The following SNCAIP variants were observed in gnomAD, a reference collection of about 807,000 sequenced individuals.
The protein encoded by SNCAIP is synphilin-1.
In SNCAIP, 43 loss-of-function variants were observed where a neutral mutation model predicts 86.7. The observed-to-expected ratio is 0.50, with a 90% CI of 0.39 to 0.64. SNCAIP has a LOEUF of 0.64. Ranked by LOEUF, SNCAIP falls within the 30% of genes least tolerant of loss-of-function variation. The probability of loss-of-function intolerance (pLI) is 0.00; values close to 1 mark genes in which losing one functional copy is unlikely to be tolerated. For synonymous variants in SNCAIP, 417 were observed against 427.2 expected, an observed-to-expected ratio of 0.98 and a Z score of 0.29; for missense variants, 981 against 1,103.1, an observed-to-expected ratio of 0.89 and a Z score of 1.57.
chr5:122,355,184 A>C (rs1387199854), intron 1 of SNCAIP, among the ~76,000 whole-genome samples: 1 of 152,204 alleles, frequency 6.6e-6, no homozygotes, highest in African/African-American at 2.4e-5. Flanking sequence ...CACATAACAA[A>C]TTCAACTTAG....
chr5:122,421,142 C>T (rs1581142344), intron 3 of SNCAIP, among the ~76,000 whole-genome samples: 1 of 152,226 alleles, frequency 6.6e-6, no homozygotes, highest in Non-Finnish European at 1.5e-5. Flanking sequence ...CCTTCCTTCC[C>T]TTCTGGAACA....
At chr5:122,319,679 A>G (rs1190281995) in intron 1 of SNCAIP, among the ~76,000 whole-genome samples, 1 of 152,166 alleles carries the variant, frequency 6.6e-6, no homozygotes. Flanking sequence ...GACTCCTTGG[A>G]CTCCAGGTTA....
At position 122,462,737 on chromosome 5, in the gene SNCAIP, G is replaced by A. The variant is rs377711410; in HGVS notation, c.2755-754G>A. On this transcript the variant is annotated intron_variant, in intron 10 of 10. Coordinates refer to ENST00000261368, the MANE Select transcript of SNCAIP (RefSeq NM_005460.4). ...TAATAGCTAGTATCATTACCAGAAA[G>A]TGTTTTTGTCTGGTGTAGCAACAAG... Among the ~76,000 whole-genome samples the A allele has an allele frequency of 2.4e-4, 36 of 152,254 alleles. No individual in the cohort carries two copies. The East Asian group carries it at 5.2e-3, about 22-fold the overall frequency.
chr5:122,394,071 C>T (rs568619397), intron 2 of SNCAIP, among the ~76,000 whole-genome samples: 1 of 151,550 alleles, frequency 6.6e-6, no homozygotes, highest in African/African-American at 2.4e-5. Flanking sequence ...TGTAGTTTCC[C>T]ATGAACATGC....
upstream of SNCAIP, chr5:122,311,972 GC>G (rs1750652175): frequency 6.7e-6 from 1 of 148,538 alleles, no homozygotes; most frequent in Non-Finnish European, 1.5e-5. Context: ...GGGCGCGGCG[GC>G]CCCGGCAGCC....
intron 1 of SNCAIP, among the ~76,000 whole-genome samples, chr5:122,327,997 G>A (rs535213800): frequency 3.3e-5 from 5 of 152,250 alleles, no homozygotes; most frequent in Admixed American, 6.5e-5. Context: ...TATTCACTAG[G>A]CAGAAAATTT....
At chr5:122,326,639 T>C (rs915456526) in intron 1 of SNCAIP, among the ~76,000 whole-genome samples, 4 of 107,836 alleles carry the variant, frequency 3.7e-5, no homozygotes, top group Non-Finnish European at 7.1e-5. Flanking sequence ...TTTTTTTTTT[T>C]ACAATTAAGT....
intron 1 of SNCAIP, among the ~76,000 whole-genome samples, chr5:122,360,163 T>C (rs776128089): frequency 6.6e-5 from 10 of 152,238 alleles, no homozygotes; most frequent in Non-Finnish European, 1.2e-4. Flanking sequence ...GAATTGCTTT[T>C]GGCTCATTGT....
At chr5:122,383,810 A>T (rs1767510009) in intron 1 of SNCAIP, among the ~76,000 whole-genome samples, 1 of 152,228 alleles carries the variant, frequency 6.6e-6, no homozygotes, top group African/African-American at 2.4e-5. Flanking sequence ...CAAGTTTTCT[A>T]AAACAGTGCC....
intron 1 of SNCAIP, among the ~76,000 whole-genome samples, chr5:122,351,562 A>AAAAAAAAAAAAAAAAAAC (rs1759835072): frequency 6.8e-6 from 1 of 148,148 alleles, no homozygotes; most frequent in Non-Finnish European, 1.5e-5. Context: ...AAAAAAAAAA[A>AAAAAAAAAAAAAAAAAAC]AAAAGAACTA....
chr5:122,356,071 A>G (rs1311873242), intron 1 of SNCAIP, among the ~76,000 whole-genome samples: 2 of 149,662 alleles, frequency 1.3e-5, no homozygotes, highest in Non-Finnish European at 3.0e-5. Flanking sequence ...TGACAATAAT[A>G]TAATGTTGCA....
At chr5:122,407,265 C>T (rs77083581) in intron 3 of SNCAIP, among the ~76,000 whole-genome samples, 20 of 152,116 alleles carry the variant, frequency 1.3e-4, no homozygotes, top group Admixed American at 5.2e-4. Flanking sequence ...GCTCCAGCCA[C>T]GAGAAAACCA....
chr5:122,340,613 G>A (rs1443516859), intron 1 of SNCAIP, among the ~76,000 whole-genome samples: 1 of 152,152 alleles, frequency 6.6e-6, no homozygotes, highest in Non-Finnish European at 1.5e-5. Flanking sequence ...AATATTTACA[G>A]CAGCCATGAA....
At chr5:122,385,757 A>G (rs1415777352) in intron 1 of SNCAIP, among the ~76,000 whole-genome samples, 1 of 151,932 alleles carries the variant, frequency 6.6e-6, no homozygotes, top group Non-Finnish European at 1.5e-5. Context: ...CTGGTATATT[A>G]AAAGGTAAAG....
At chr5:122,437,712 T>A (rs577467272) in intron 6 of SNCAIP, among the ~76,000 whole-genome samples, 36 of 152,356 alleles carry the variant, frequency 2.4e-4, no homozygotes, top group African/African-American at 8.2e-4. Context: ...GAGTTATCCA[T>A]GCCTTCCTAA....
At chr5:122,380,050 C>G (rs1161281609) in intron 1 of SNCAIP, among the ~76,000 whole-genome samples, 3 of 151,624 alleles carry the variant, frequency 2.0e-5, no homozygotes, top group African/African-American at 7.3e-5. Context: ...TGATGCTGGC[C>G]TCATAAAATG....
chr5:122,338,651 CTA>C (rs1456405849), intron 1 of SNCAIP, among the ~76,000 whole-genome samples: 1 of 152,084 alleles, frequency 6.6e-6, no homozygotes, highest in Non-Finnish European at 1.5e-5. Context: ...CTTTTATTGA[CTA>C]TATGAAATCA....
At chr5:122,440,594 T>A (rs1264179392) in intron 6 of SNCAIP, 35 bp from the exon 7 acceptor site, 1 of 1,603,838 alleles carries the variant, frequency 6.2e-7, no homozygotes, top group Non-Finnish European at 8.5e-7. Context: ...CTCTGCAAGA[T>A]ATTACATGAA....
chr5:122,440,793 T>G (rs751987027), intron 7 of SNCAIP, 39 bp downstream of exon 7: 1 of 1,578,842 alleles, frequency 6.3e-7, no homozygotes, highest in East Asian at 2.2e-5. Flanking sequence ...GAAATGAGTA[T>G]ATCAAATATT....
Sources: gnomAD v4.1 joint callset for allele counts (sites outside exome capture counted in the v4.1 genomes callset) on GRCh38, gnomAD v4.1.1 for gene constraint, MANE v1.5 for transcripts, NCBI Gene and HGNC (gene_info 2026-07-23, HGNC 2026-07-21) for gene names.